CHCHD3: variants seen among roughly 807,000 people sequenced by gnomAD.
CHCHD3 encodes coiled-coil-helix-coiled-coil-helix domain containing 3.
CHCHD3 carries 20 observed loss-of-function variants against 38.2 expected under a neutral mutation model. That is an observed-to-expected ratio of 0.52 (90% confidence interval 0.37 to 0.76). The LOEUF is 0.76. Among genes scored for constraint, CHCHD3 ranks in the 30% least tolerant of loss-of-function variants. The pLI is 0.00. For synonymous variants in CHCHD3, 82 were observed against 100.0 expected (o/e 0.82, Z 1.07); for missense variants, 245 against 279.2 (o/e 0.88, Z 0.87).
chr7:132,974,974 T>C (rs1811722840), intron 4 of CHCHD3, among the ~76,000 whole-genome samples, 195 bp downstream of exon 4: 1 of 152,084 alleles, frequency 6.6e-6, no homozygotes, highest in African/African-American at 2.4e-5. Flanking sequence ...ACTTCCAGAG[T>C]TACCTGCCTT....
Position 133,028,967 on chromosome 7 carries a change from G to A in CHCHD3, c.170-4340C>T, listed in dbSNP as rs143935890. Among the ~76,000 whole-genome samples the A allele has an allele frequency of 3.9e-3, 588 of 151,636 alleles. 5 individuals carry two copies. The highest frequency in any genetic ancestry group is 0.013 in the African/African-American group (556 of 41,372). ...TGAGCCCCTCACCACGTGATGCCCC[G>A]CATGACCTAGGGATTCTACAGGAGT... On this transcript the variant is annotated intron_variant, in intron 2 of 7. Coordinates refer to ENST00000262570, the MANE Select transcript of CHCHD3 (RefSeq NM_017812.4).
chr7:132,975,315 A>C (rs952484922), intron 3 of CHCHD3, 29 bp from the exon 4 acceptor site: 18 of 1,548,574 alleles, frequency 1.2e-5, no homozygotes, highest in Non-Finnish European at 1.6e-5. Context: ...TCTAAGTTAG[A>C]AAAAATATTT....
chr7:133,004,196 A>G (rs887663594), intron 3 of CHCHD3, among the ~76,000 whole-genome samples: 3 of 152,140 alleles, frequency 2.0e-5, no homozygotes, highest in Non-Finnish European at 4.4e-5. Flanking sequence ...TCCTGACCTC[A>G]GGTGATCTGC....
chr7:132,954,335 T>C (rs971364498), intron 4 of CHCHD3, among the ~76,000 whole-genome samples: 2 of 152,128 alleles, frequency 1.3e-5, no homozygotes, highest in African/African-American at 4.8e-5. Flanking sequence ...CATGGCAACA[T>C]TTTGTCACCT....
At chr7:132,971,798 G>C (rs962798518) in intron 4 of CHCHD3, among the ~76,000 whole-genome samples, 1 of 152,126 alleles carries the variant, frequency 6.6e-6, no homozygotes, top group African/African-American at 2.4e-5. Context: ...AAATAAAGAG[G>C]AACGAAGCAA....
At chr7:132,900,101 G>C (rs1168371216) in intron 4 of CHCHD3, among the ~76,000 whole-genome samples, 4 of 152,222 alleles carry the variant, frequency 2.6e-5, no homozygotes, top group Non-Finnish European at 4.4e-5. Context: ...TACTAGAACA[G>C]AGCCTAAGCC....
chr7:133,059,797 C>T (rs1474521084), intron 2 of CHCHD3, among the ~76,000 whole-genome samples: 1 of 152,198 alleles, frequency 6.6e-6, no homozygotes, highest in East Asian at 1.9e-4. Flanking sequence ...CCTTTTCCTG[C>T]TTGCCTCTTA....
chr7:132,913,859 G>A (rs533307861), intron 4 of CHCHD3, among the ~76,000 whole-genome samples: 1 of 152,134 alleles, frequency 6.6e-6, no homozygotes, highest in Admixed American at 6.5e-5. Context: ...ACACTGTTAG[G>A]CAGCAAATCC....
At chr7:132,858,176 C>G (rs1247271993) in intron 5 of CHCHD3, among the ~76,000 whole-genome samples, 1 of 152,148 alleles carries the variant, frequency 6.6e-6, no homozygotes, top group Admixed American at 6.5e-5. Context: ...AATTCGCCTG[C>G]CTCAGCCTCC....
chr7:133,077,956 T>C (rs1046182059), intron 1 of CHCHD3, among the ~76,000 whole-genome samples: 5 of 152,180 alleles, frequency 3.3e-5, no homozygotes, highest in African/African-American at 1.2e-4. Context: ...AACTTAAAAT[T>C]TGAAGTAGGT....
chr7:132,812,200 CTTTTTTTT>C (rs71529779), intron 6 of CHCHD3, among the ~76,000 whole-genome samples: 6 of 81,076 alleles, frequency 7.4e-5, no homozygotes, highest in African/African-American at 1.3e-4. Flanking sequence ...TTTTTCTTTT[CTTTTTTTT>C]TTTTTTTTTT....
chr7:132,846,363 A>T (rs541781444), intron 5 of CHCHD3, among the ~76,000 whole-genome samples: 1 of 152,242 alleles, frequency 6.6e-6, no homozygotes, highest in Admixed American at 6.5e-5. Flanking sequence ...ACCTCAGCCA[A>T]CTCAGCAGGA....
intron 4 of CHCHD3, among the ~76,000 whole-genome samples, chr7:132,964,443 T>A: frequency 6.6e-6 from 1 of 152,062 alleles, no homozygotes; most frequent in East Asian, 1.9e-4. Context: ...TAGCCGGGCA[T>A]GGAGGCGTGC....
intron 3 of CHCHD3, among the ~76,000 whole-genome samples, chr7:132,980,493 T>C (rs917978460): frequency 1.3e-5 from 2 of 152,212 alleles, no homozygotes; most frequent in Non-Finnish European, 2.9e-5. Context: ...TCTCTCCTCA[T>C]TTAAATTCTC....
At chr7:133,034,604 T>A (rs577591262) in intron 2 of CHCHD3, 67 of 1,519,634 alleles carry the variant, frequency 4.4e-5, no homozygotes, top group Admixed American at 7.2e-5. Context: ...TGGCAAGAGA[T>A]GTTCACTTGA....
At chr7:133,024,502 T>C (rs1381776810) in intron 3 of CHCHD3, 44 bp downstream of exon 3, 1 of 1,336,440 alleles carries the variant, frequency 7.5e-7, no homozygotes, top group Non-Finnish European at 1.1e-6. Flanking sequence ...CTGGTAAATA[T>C]GACAAAACCC....
chr7:132,965,075 G>GTGTC (rs1170159403), intron 4 of CHCHD3, among the ~76,000 whole-genome samples: 4 of 151,810 alleles, frequency 2.6e-5, no homozygotes, highest in Non-Finnish European at 4.4e-5. Flanking sequence ...GTGTGTGTGT[G>GTGTC]TGTGTGTGTG....
intron 6 of CHCHD3, among the ~76,000 whole-genome samples, chr7:132,838,186 C>T (rs1807838846): frequency 6.6e-6 from 1 of 152,062 alleles, no homozygotes; most frequent in Non-Finnish European, 1.5e-5. Context: ...TCATAAAATA[C>T]ATGGATTTGT....
intron 2 of CHCHD3, among the ~76,000 whole-genome samples, chr7:133,039,710 A>C (rs1339904509): frequency 6.6e-6 from 1 of 152,234 alleles, no homozygotes; most frequent in Admixed American, 6.5e-5. Context: ...CAGCCTACAA[A>C]GCAGCCCCAT....
Sources: gnomAD v4.1 joint callset for allele counts (sites outside exome capture counted in the v4.1 genomes callset) on GRCh38, gnomAD v4.1.1 for gene constraint, MANE v1.5 for transcripts, NCBI Gene and HGNC (gene_info 2026-07-23, HGNC 2026-07-21) for gene names.